Variants in CSMD1 observed in about 807,000 individuals in gnomAD.
CSMD1 encodes CUB and sushi domain-containing protein 1.
In CSMD1, 213 loss-of-function variants were observed where a neutral mutation model predicts 417.5. That is an observed-to-expected ratio of 0.51 (90% confidence interval 0.46 to 0.57). The LOEUF is 0.57. Among genes scored for constraint, CSMD1 ranks in the 20% least tolerant of loss-of-function variants. The pLI, the probability that CSMD1 is intolerant of heterozygous loss-of-function variation, is 0.00. For synonymous variants in CSMD1, 2,862 were observed against 1,736.8 expected (o/e 1.65, Z -16.11); for missense variants, 6,923 against 4,529.7 (o/e 1.53, Z -15.17).
intron 39 of CSMD1, among the ~76,000 whole-genome samples, chr8:3,155,434 C>G (rs1819465809): frequency 8.3e-6 from 1 of 120,328 alleles, no homozygotes; most frequent in Non-Finnish European, 1.6e-5. Flanking sequence ...GTGGCGCGAT[C>G]TTGGCTCACT....
intron 2 of CSMD1, among the ~76,000 whole-genome samples, chr8:4,628,850 G>C (rs904075521): frequency 1.6e-4 from 25 of 152,066 alleles, no homozygotes; most frequent in Non-Finnish European, 2.8e-4. Flanking sequence ...CCATCATCTA[G>C]AAATTCGTTG....
intron 15 of CSMD1, 142 bp from the exon 16 acceptor site, chr8:3,399,671 A>C (rs1254702616): frequency 3.2e-6 from 2 of 617,664 alleles, no homozygotes; most frequent in Non-Finnish European, 5.1e-6. Flanking sequence ...ATTCCCAAGG[A>C]AACTGTACAT....
chr8:4,892,029 A>G (rs562257776), intron 1 of CSMD1, among the ~76,000 whole-genome samples: 1 of 152,204 alleles, frequency 6.6e-6, no homozygotes, highest in Non-Finnish European at 1.5e-5. Context: ...CACTAACACC[A>G]CCAGATGTAG....
At chr8:3,157,572 C>T (rs1819610945) in intron 39 of CSMD1, among the ~76,000 whole-genome samples, 1 of 152,192 alleles carries the variant, frequency 6.6e-6, no homozygotes, top group Admixed American at 6.5e-5. Flanking sequence ...GACTTTCAGA[C>T]CAGCTGCATT....
At chr8:4,883,627 T>C (rs1290281065) in intron 1 of CSMD1, among the ~76,000 whole-genome samples, 1 of 152,140 alleles carries the variant, frequency 6.6e-6, no homozygotes, top group African/African-American at 2.4e-5. Context: ...TCTGTCAAGG[T>C]TAATTCATAT....
chr8:3,518,058 CAA>C (rs749297212), intron 10 of CSMD1, among the ~76,000 whole-genome samples: 35 of 151,888 alleles, frequency 2.3e-4, no homozygotes, highest in Non-Finnish European at 4.4e-4. Flanking sequence ...TCATCAGATT[CAA>C]GTGTTTAGAA....
At chr8:3,598,122 A>G (rs1207379245) in intron 8 of CSMD1, among the ~76,000 whole-genome samples, 1 of 152,172 alleles carries the variant, frequency 6.6e-6, no homozygotes, top group Non-Finnish European at 1.5e-5. Flanking sequence ...AAAATCATAT[A>G]TTTCCTAACG....
chr8:3,450,906 G>A (rs1329231324), intron 12 of CSMD1, among the ~76,000 whole-genome samples: 3 of 151,798 alleles, frequency 2.0e-5, no homozygotes, highest in South Asian at 4.2e-4. Context: ...TTCCACAATG[G>A]TTGAACTAGT....
At chr8:4,411,633 C>T (rs1437311868) in intron 3 of CSMD1, among the ~76,000 whole-genome samples, 2 of 152,108 alleles carry the variant, frequency 1.3e-5, no homozygotes, top group Non-Finnish European at 2.9e-5. Flanking sequence ...CCTGCTCATT[C>T]CATTCTTCTC....
chr8:4,486,224 T>C lies in CSMD1; in HGVS notation c.303-66159A>G, dbSNP rs866726385. On this transcript the variant is annotated intron_variant, in intron 2 of 69. Transcript: ENST00000635120. Reference sequence around the variant, plus strand: ...ACATACATATATATATATATATATATACATACATATATATATATATACATA... The same window carrying C: ...ACATACATATATATATATATATATACACATACATATATATATATATACATA... 5.9e-3 allele frequency among the ~76,000 whole-genome samples: 80 copies of C among 13,560 alleles called. 1 individual carries two copies. The highest frequency in any genetic ancestry group is 0.014 in the African/African-American group (52 of 3,724). The allele number at this position is 13,560 out of a possible 152,430, so 8.9% of individuals were successfully genotyped here.
intron 3 of CSMD1, among the ~76,000 whole-genome samples, chr8:4,343,937 A>C (rs11984458): frequency 9.2e-5 from 14 of 152,100 alleles, no homozygotes; most frequent in Admixed American, 2.6e-4. Flanking sequence ...AAGTGTTTTA[A>C]AAATTATAAT....
intron 17 of CSMD1, among the ~76,000 whole-genome samples, chr8:3,389,300 G>C (rs1475579765): frequency 6.6e-6 from 1 of 152,052 alleles, no homozygotes. Context: ...CCCAGTGTGT[G>C]TTGTTCCCTC....
At chr8:3,120,403 G>A (rs1003342520) in intron 41 of CSMD1, among the ~76,000 whole-genome samples, 45 of 152,296 alleles carry the variant, frequency 3.0e-4, no homozygotes, top group African/African-American at 9.9e-4. Flanking sequence ...TGGCCTTGGC[G>A]TTCACAAGAT....
chr8:4,066,773 G>A (rs1021057220), intron 3 of CSMD1, among the ~76,000 whole-genome samples: 2 of 152,126 alleles, frequency 1.3e-5, no homozygotes, highest in Non-Finnish European at 2.9e-5. Flanking sequence ...TACGGAAAGG[G>A]GCGAGAAACG....
chr8:3,940,357 G>C (rs2627525), intron 5 of CSMD1, among the ~76,000 whole-genome samples: 2 of 151,650 alleles, frequency 1.3e-5, no homozygotes, highest in East Asian at 1.9e-4. Context: ...AGCAATGGTG[G>C]GGGGAAAACA....
intron 2 of CSMD1, among the ~76,000 whole-genome samples, chr8:4,456,792 C>T (rs1165091132): frequency 6.6e-6 from 1 of 151,956 alleles, no homozygotes; most frequent in Non-Finnish European, 1.5e-5. Context: ...ACGAGGTAAG[C>T]TGAAGAAGCT....
At chr8:4,193,619 T>C (rs777261548) in intron 3 of CSMD1, among the ~76,000 whole-genome samples, 20 of 152,022 alleles carry the variant, frequency 1.3e-4, no homozygotes, top group Admixed American at 5.2e-4. Context: ...GAGGAGCCAA[T>C]GAGTGTGCTG....
chr8:3,946,165 A>G (rs891110263), intron 5 of CSMD1, among the ~76,000 whole-genome samples: 3 of 152,150 alleles, frequency 2.0e-5, no homozygotes, highest in African/African-American at 4.8e-5. Context: ...CCTTTGAAAT[A>G]AGATTATTAC....
At chr8:3,686,607 A>C (rs1450467349) in intron 7 of CSMD1, among the ~76,000 whole-genome samples, 2 of 152,214 alleles carry the variant, frequency 1.3e-5, no homozygotes, top group African/African-American at 4.8e-5. Context: ...CTTATCATCA[A>C]GCACAGAAAA....
Sources: gnomAD v4.1 joint callset for allele counts (sites outside exome capture counted in the v4.1 genomes callset) on GRCh38, gnomAD v4.1.1 for gene constraint, MANE v1.5 for transcripts, NCBI Gene and HGNC (gene_info 2026-07-23, HGNC 2026-07-21) for gene names.